Variants in LPAR3 observed in about 807,000 individuals in gnomAD.
LPAR3 encodes lysophosphatidic acid receptor 3.
Under a neutral mutation model 17.8 loss-of-function variants are expected in LPAR3, and 7 were observed. The ratio of observed to expected loss-of-function variants is 0.39; its 90% CI spans 0.22 to 0.74. The LOEUF (loss-of-function observed/expected upper bound fraction) is 0.74. Ranked by LOEUF, LPAR3 falls within the 30% of genes least tolerant of loss-of-function variation. The pLI, the probability that LPAR3 is intolerant of heterozygous loss-of-function variation, is 0.40. For missense variants in LPAR3, 391 were observed against 453.4 expected (o/e 0.86, Z 1.25); for synonymous variants, 179 against 179.9 (o/e 0.99, Z 0.04).
intron 2 of LPAR3, among the ~76,000 whole-genome samples, chr1:84,817,802 C>CCA (rs1658970292): frequency 8.3e-6 from 1 of 119,790 alleles, no homozygotes; most frequent in African/African-American, 3.3e-5. Context: ...CTTTCCTGGC[C>CCA]AAAAAAAAAA....
In LPAR3 at chr1:84,813,810, A is replaced by T; in HGVS notation, c.*36T>A. The T allele has an allele frequency of 6.5e-7, 1 of 1,543,536 alleles. No individual in the cohort carries two copies. The highest frequency in any genetic ancestry group is 8.9e-7 in the Non-Finnish European group (1 of 1,123,382). ...AATCATTCTTAACAGCTCTTTTCCC[A>T]GAGGAGGCCTGGGTGGGCCGAGAGG... On this transcript the variant is annotated 3_prime_UTR_variant, in exon 3 of 3. Coordinates refer to ENST00000370611, the MANE Select transcript of LPAR3 (RefSeq NM_012152.3).
intron 1 of LPAR3, among the ~76,000 whole-genome samples, chr1:84,888,090 AT>A (rs1412119539): frequency 6.6e-6 from 1 of 151,398 alleles, no homozygotes; most frequent in Non-Finnish European, 1.5e-5. Context: ...AATAATGTCT[AT>A]GACTTCCTCT....
intron 2 of LPAR3, among the ~76,000 whole-genome samples, chr1:84,828,200 C>T (rs1659202586): frequency 6.6e-6 from 1 of 152,050 alleles, no homozygotes; most frequent in South Asian, 2.1e-4. Flanking sequence ...TAGAGATATG[C>T]TGCTGTGAGT....
At chr1:84,868,360 T>C (rs1454982969) in intron 1 of LPAR3, among the ~76,000 whole-genome samples, 1 of 152,196 alleles carries the variant, frequency 6.6e-6, no homozygotes, top group South Asian at 2.1e-4. Flanking sequence ...TCCGCCCACC[T>C]TGGCCTCCCA....
At chr1:84,829,141 C>T (rs1467450012) in intron 2 of LPAR3, among the ~76,000 whole-genome samples, 3 of 141,010 alleles carry the variant, frequency 2.1e-5, no homozygotes, top group Non-Finnish European at 4.5e-5. Context: ...TTCCTTGTAT[C>T]CCTCTCTGCA....
chr1:84,891,086 T>C (rs1169676820), intron 1 of LPAR3, among the ~76,000 whole-genome samples: 3 of 150,952 alleles, frequency 2.0e-5, no homozygotes, highest in East Asian at 2.0e-4. Context: ...TCTCCATTCA[T>C]AGAAAACATA....
intron 2 of LPAR3, among the ~76,000 whole-genome samples, chr1:84,845,653 C>T (rs1216547845): frequency 2.6e-5 from 4 of 152,138 alleles, no homozygotes; most frequent in Admixed American, 6.5e-5. Flanking sequence ...TTTTTAATTA[C>T]GCTCAAACCT....
chr1:84,872,505 G>C (rs1011431746), intron 1 of LPAR3, among the ~76,000 whole-genome samples: 13 of 152,062 alleles, frequency 8.5e-5, no homozygotes, highest in African/African-American at 2.7e-4. Flanking sequence ...TTCAAAAGAG[G>C]GACCCAATGG....
At chr1:84,817,089 T>G (rs984247407) in intron 2 of LPAR3, among the ~76,000 whole-genome samples, 1 of 152,232 alleles carries the variant, frequency 6.6e-6, no homozygotes, top group African/African-American at 2.4e-5. Flanking sequence ...GAGAATTTTT[T>G]TTTTAAAGTA....
At chr1:84,848,325 G>A (rs560803779) in intron 2 of LPAR3, among the ~76,000 whole-genome samples, 10 of 152,212 alleles carry the variant, frequency 6.6e-5, no homozygotes, top group Non-Finnish European at 1.3e-4. Flanking sequence ...TGGGCCCTGA[G>A]GCTGGCCACT....
chr1:84,842,143 C>T (rs962363622), intron 2 of LPAR3, among the ~76,000 whole-genome samples: 4 of 152,328 alleles, frequency 2.6e-5, no homozygotes, highest in South Asian at 2.1e-4. Context: ...AATCTCCACA[C>T]CCTTGGGTTG....
chr1:84,818,100 T>C (rs748187962), intron 2 of LPAR3, among the ~76,000 whole-genome samples: 6 of 152,240 alleles, frequency 3.9e-5, no homozygotes, highest in Non-Finnish European at 8.8e-5. Flanking sequence ...TGTAGTTACC[T>C]CAGGCTTAAA....
intron 2 of LPAR3, among the ~76,000 whole-genome samples, chr1:84,832,019 A>T (rs1263307105): frequency 6.6e-6 from 1 of 151,942 alleles, no homozygotes; most frequent in Admixed American, 6.6e-5. Flanking sequence ...AACATTCCAG[A>T]CTCTTGGGTG....
intron 2 of LPAR3, among the ~76,000 whole-genome samples, chr1:84,856,667 C>T (rs1322242161): frequency 6.6e-6 from 1 of 152,084 alleles, no homozygotes; most frequent in Non-Finnish European, 1.5e-5. Context: ...GGCAAACTTT[C>T]CAATCCTAGC....
At chr1:84,861,487 A>G (rs1330265341) in intron 2 of LPAR3, among the ~76,000 whole-genome samples, 1 of 152,218 alleles carries the variant, frequency 6.6e-6, no homozygotes, top group African/African-American at 2.4e-5. Flanking sequence ...ATAAAGGATA[A>G]TTGAACTTTG....
intron 2 of LPAR3, among the ~76,000 whole-genome samples, chr1:84,816,812 CA>C (rs1300392052): frequency 1.3e-5 from 2 of 151,886 alleles, no homozygotes; most frequent in Non-Finnish European, 2.9e-5. Context: ...AAGTAAAAAG[CA>C]AAAAAATATA....
intron 2 of LPAR3, among the ~76,000 whole-genome samples, chr1:84,852,992 G>C (rs886901951): frequency 2.0e-5 from 3 of 151,930 alleles, no homozygotes; most frequent in Admixed American, 1.3e-4. Flanking sequence ...ACACTGGCTC[G>C]TGCCTATAAT....
chr1:84,890,464 T>C (rs1398666980), intron 1 of LPAR3, among the ~76,000 whole-genome samples: 1 of 152,196 alleles, frequency 6.6e-6, no homozygotes, highest in Non-Finnish European at 1.5e-5. Flanking sequence ...TCTTTTAATC[T>C]TGGGAGATGG....
Position 84,861,263 on chromosome 1 carries a change from T to C in LPAR3, c.736+4122A>G, listed in dbSNP as rs77822920. Among the ~76,000 whole-genome samples, 227 of 152,314 alleles carry C rather than the reference T, an allele frequency of 1.5e-3. 7 individuals are homozygous for C. In the East Asian group the frequency reaches 0.042, roughly 28 times the overall value. ...TTTGGGAGATGCTTGTTTCAGGCAA[T>C]TGAATTCTTACATGTAGTATGTAGG... is the stretch of plus-strand genomic sequence containing the variant. On this transcript the variant is annotated intron_variant, in intron 2 of 2. Coordinates refer to ENST00000370611, the MANE Select transcript of LPAR3 (RefSeq NM_012152.3).
Sources: gnomAD v4.1 joint callset for allele counts (sites outside exome capture counted in the v4.1 genomes callset) on GRCh38, gnomAD v4.1.1 for gene constraint, MANE v1.5 for transcripts, NCBI Gene and HGNC (gene_info 2026-07-23, HGNC 2026-07-21) for gene names.